Variants in NEDD4 observed in about 807,000 individuals in gnomAD.
The protein encoded by NEDD4 is E3 ubiquitin-protein ligase NEDD4.
Under a neutral mutation model 144.9 loss-of-function variants are expected in NEDD4, and 99 were observed. The observed-to-expected ratio is 0.68, with a 90% confidence interval of 0.58 to 0.81. The LOEUF (loss-of-function observed/expected upper bound fraction) is 0.81, where lower values mean the gene tolerates loss of function less well. Ranked by LOEUF, NEDD4 falls within the 30% of genes least tolerant of loss-of-function variation. The pLI is 0.00. For synonymous variants in NEDD4, 318 were observed against 350.6 expected, an observed-to-expected ratio of 0.91 and a Z score of 1.04; for missense variants, 985 against 1,065.9, an observed-to-expected ratio of 0.92 and a Z score of 1.06.
chr15:55,850,537 G>A lies in NEDD4; in HGVS notation c.1347+5C>T, dbSNP rs765004130. 1.2e-6 allele frequency: 2 copies of A among 1,613,718 alleles called. No homozygotes were observed. The highest frequency in any genetic ancestry group is 3.3e-5 in the Admixed American group (2 of 59,996). On this transcript the variant is annotated splice_donor_5th_base_variant and intron_variant, in intron 14 of 28. Transcript: ENST00000435532. ...TAAATTTAAATGGAAAAGTATCAAA[G>A]TTACCCAGGTGGTGGTTTTAGTGTT...
At chr15:55,944,863 C>A (rs1404600231) in intron 4 of NEDD4, among the ~76,000 whole-genome samples, 1 of 152,140 alleles carries the variant, frequency 6.6e-6, no homozygotes, top group Non-Finnish European at 1.5e-5. Context: ...GATACCCAAG[C>A]AAACAGGGTC....
At chr15:55,938,143 G>T in intron 4 of NEDD4, among the ~76,000 whole-genome samples, 1 of 152,064 alleles carries the variant, frequency 6.6e-6, no homozygotes, top group East Asian at 1.9e-4. Context: ...GGCAGATAAT[G>T]AAGTCAAGAG....
chr15:55,887,042 G>GA (rs1196669431), intron 5 of NEDD4, among the ~76,000 whole-genome samples: 118 of 141,682 alleles, frequency 8.3e-4, no homozygotes, highest in African/African-American at 2.5e-3. Context: ...CATCAAAAAA[G>GA]AAAAAAAAAA....
chr15:55,972,938 A>G (rs1271370110), intron 1 of NEDD4, among the ~76,000 whole-genome samples: 1 of 152,226 alleles, frequency 6.6e-6, no homozygotes, highest in Non-Finnish European at 1.5e-5. Context: ...AGATACAACA[A>G]TTGTAAATAC....
rs1218509180 is a variant in NEDD4, at chr15:55,828,030, G to A, written c.*1867C>T. 3 of 152,164 alleles carry A rather than the reference G, an allele frequency of 2.0e-5. No homozygotes were observed. The highest frequency in any genetic ancestry group is 1.9e-4 in the East Asian group (1 of 5,200). 9.4% of individuals were successfully genotyped at this position (152,164 alleles called of 1,614,324 possible). A position where few individuals can be genotyped will look rare whatever the true frequency, so the allele number is the denominator to read the frequency against. On this transcript the variant is annotated 3_prime_UTR_variant, in exon 29 of 29. Transcript: ENST00000435532. ...TAAGCTGCTTCAGTTCACATGGCTGGTGAGATATCAAACCAGGACTATACC... is the reference window on the plus strand; with the variant it reads ...TAAGCTGCTTCAGTTCACATGGCTGATGAGATATCAAACCAGGACTATACC...
At chr15:55,934,812 A>T (rs1171757857) in intron 4 of NEDD4, 1 of 133,496 alleles carries the variant, frequency 7.5e-6, no homozygotes, top group African/African-American at 2.8e-5. Flanking sequence ...TTTATTAAAA[A>T]TTTTTCTGGT....
rs200417584 is a variant in NEDD4 at position 55,860,413 on chromosome 15, C to T, written c.954G>A (p.Ser318=). ...FGNSAVSQPA[S]SSNHSSRRGS... ...AAATCTAAGAGCATCTTACTGAGCTCGATGCTGGCTGGCTCACGGCTGAAT... is the reference window on the plus strand; with the variant it reads ...AAATCTAAGAGCATCTTACTGAGCTTGATGCTGGCTGGCTCACGGCTGAAT... The change falls in exon 11 of 29, where the codon TCG becomes TCA. Residue 318 remains serine, a synonymous_variant. Coordinates refer to ENST00000435532, the MANE Select transcript of NEDD4 (RefSeq NM_006154.4). 1.2e-4 allele frequency: 200 copies of T among 1,613,806 alleles called. No homozygotes were observed. Among genetic ancestry groups the T allele is most frequent in the Admixed American group, 6.0e-4 (36 of 59,974 alleles).
In NEDD4 at chr15:55,837,832, C is replaced by A; in HGVS notation, c.2219G>T (p.Arg740Leu). The A allele has an allele frequency of 6.2e-7, 1 of 1,611,348 alleles. No homozygotes were observed. The stretch of plus-strand genomic sequence containing the variant: ...TTGCTTCTGGATTCGGTTTACAAAT[C>A]GCCATTGTATTACAAGACTAAAAAG... ...KEYIYLVIQW[R>L]FVNRIQKQMA... Residue 740 changes from arginine (R) to leucine (L), a missense_variant, in exon 24 of 29, where the codon CGA becomes CTA. Physicochemically the swap from Arg to Leu is moderately radical, Grantham distance 102. Coordinates refer to ENST00000435532, the MANE Select transcript of NEDD4 (RefSeq NM_006154.4).
intron 18 of NEDD4, among the ~76,000 whole-genome samples, chr15:55,846,460 T>A (rs1315900040): frequency 1.3e-5 from 2 of 152,214 alleles, no homozygotes; most frequent in African/African-American, 4.8e-5. Context: ...GTAGTGAACA[T>A]AACTGATAAG....
At chr15:55,860,877 A>T (rs2034378607) in intron 9 of NEDD4, 99 bp from the exon 10 acceptor site, 4 of 1,022,178 alleles carry the variant, frequency 3.9e-6, no homozygotes, top group Non-Finnish European at 5.9e-6. Flanking sequence ...ACATTACATC[A>T]ATAAAAAAAT....
intron 13 of NEDD4, among the ~76,000 whole-genome samples, chr15:55,851,852 T>C (rs1411707328): frequency 6.6e-6 from 1 of 152,160 alleles, no homozygotes; most frequent in Non-Finnish European, 1.5e-5. Context: ...ACTATTCAAA[T>C]TACAAAAATA....
chr15:55,905,126 G>A, intron 5 of NEDD4: 3 of 306,056 alleles, frequency 9.8e-6, no homozygotes, highest in South Asian at 5.1e-5. Context: ...AGAAAATCAG[G>A]CATTTCATTT....
chr15:55,834,814 G>A (rs1205623103), intron 24 of NEDD4, among the ~76,000 whole-genome samples: 2 of 152,102 alleles, frequency 1.3e-5, no homozygotes, highest in South Asian at 2.1e-4. Flanking sequence ...GTAGGTAAGT[G>A]TAAGTTCTAT....
At chr15:55,964,692 GGTGTGT>G (rs58177503) in intron 2 of NEDD4, among the ~76,000 whole-genome samples, 10,261 of 137,046 alleles carry the variant, frequency 0.075, 767 homozygotes, top group African/African-American at 0.2. Flanking sequence ...TTTTGCTGCT[GGTGTGT>G]GTGTGTGTGT....
Position 55,873,941 on chromosome 15 carries a change from TG to T in NEDD4, c.342+16del. 6.9e-7 allele frequency: 1 copy of T among 1,449,432 alleles called. No homozygotes were observed. Among genetic ancestry groups the T allele is most frequent in the Non-Finnish European group, 9.3e-7 (1 of 1,080,644 alleles). 89.8% of individuals were successfully genotyped at this position (1,449,432 alleles called of 1,614,324 possible). Reference sequence around the variant, plus strand: ...AAAAATAAGCCCAAAAGGAAAATCATGGACACCTATACCAACCGGTAATGGA... The same window carrying T: ...AAAAATAAGCCCAAAAGGAAAATCATGACACCTATACCAACCGGTAATGGA... On this transcript the variant is annotated intron_variant, in intron 6 of 28. Coordinates refer to ENST00000435532, the MANE Select transcript of NEDD4 (RefSeq NM_006154.4).
At chr15:55,938,498 T>C (rs1398075121) in intron 4 of NEDD4, among the ~76,000 whole-genome samples, 1 of 151,948 alleles carries the variant, frequency 6.6e-6, no homozygotes, top group Non-Finnish European at 1.5e-5. Flanking sequence ...CCCGACACTG[T>C]AAAACCCATA....
At chr15:55,905,366 G>T (rs955789768) in intron 5 of NEDD4, 2 of 439,440 alleles carry the variant, frequency 4.6e-6, no homozygotes, top group Non-Finnish European at 9.0e-6. Context: ...ACAATTGGGG[G>T]GTTTCCCAAC....
chr15:55,988,500 A>AAG (rs1371604635), intron 1 of NEDD4, among the ~76,000 whole-genome samples: 1 of 148,754 alleles, frequency 6.7e-6, no homozygotes, highest in Non-Finnish European at 1.5e-5. Context: ...AAAAAAAAAA[A>AAG]AAAAAAGAAA....
intron 5 of NEDD4, among the ~76,000 whole-genome samples, chr15:55,886,757 CA>C (rs35360356): frequency 0.46 from 53,163 of 115,160 alleles, 9,742 homozygotes; most frequent in Middle Eastern, 0.56. Context: ...GACTCCGTCT[CA>C]AAAAAAAAAA....
Sources: allele counts gnomAD v4.1 joint callset (sites outside exome capture counted in the v4.1 genomes callset), GRCh38; gene constraint gnomAD v4.1.1; transcripts MANE v1.5; gene names NCBI Gene and HGNC (gene_info 2026-07-23, HGNC 2026-07-21).